DPP10: variants seen among roughly 807,000 people sequenced by gnomAD.
The protein encoded by DPP10 is dipeptidyl peptidase like 10.
A neutral mutation model predicts 120.9 loss-of-function variants in DPP10; 33 were observed. That is an observed-to-expected ratio of 0.27 (90% CI 0.21 to 0.37). The LOEUF is 0.37. Among genes scored for constraint, DPP10 ranks in the 10% least tolerant of loss-of-function variants. DPP10 has a pLI of 1.00. For synonymous variants in DPP10, 337 were observed against 326.1 expected (o/e 1.03, Z -0.36); for missense variants, 816 against 942.8 (o/e 0.87, Z 1.76).
At chr2:114,627,520 C>T (rs1454825512) in intron 1 of DPP10, among the ~76,000 whole-genome samples, 2 of 152,054 alleles carry the variant, frequency 1.3e-5, no homozygotes, top group African/African-American at 2.4e-5. Context: ...TGACCAGCCA[C>T]AGCACTGGAC....
chr2:115,032,538 C>T (rs979849398), intron 1 of DPP10, among the ~76,000 whole-genome samples: 1 of 152,008 alleles, frequency 6.6e-6, no homozygotes, highest in African/African-American at 2.4e-5. Flanking sequence ...CAAATTCCTT[C>T]ATAGAATATT....
At chr2:114,519,957 CT>C (rs1386573428) in intron 1 of DPP10, among the ~76,000 whole-genome samples, 1 of 149,156 alleles carries the variant, frequency 6.7e-6, no homozygotes, top group Admixed American at 6.8e-5. Flanking sequence ...ATACTCACAC[CT>C]TTAAATCTTC....
chr2:114,914,037 T>A (rs1450805560), intron 1 of DPP10, among the ~76,000 whole-genome samples: 1 of 152,134 alleles, frequency 6.6e-6, no homozygotes, highest in Admixed American at 6.5e-5. Context: ...AAAATAATTT[T>A]AAAAAATGAA....
At chr2:114,969,817 C>T (rs905410603) in intron 1 of DPP10, among the ~76,000 whole-genome samples, 7 of 152,160 alleles carry the variant, frequency 4.6e-5, no homozygotes, top group Non-Finnish European at 1.0e-4. Context: ...AAAGGATGCA[C>T]CTGGCTCCAA....
intron 5 of DPP10, among the ~76,000 whole-genome samples, chr2:115,632,170 C>T (rs1266699561): frequency 6.6e-6 from 1 of 152,090 alleles, no homozygotes; most frequent in East Asian, 1.9e-4. Context: ...ATGCAATGCC[C>T]TTCTTTGTCT....
chr2:114,521,421 A>G (rs899578802), intron 1 of DPP10, among the ~76,000 whole-genome samples: 7 of 152,300 alleles, frequency 4.6e-5, no homozygotes, highest in African/African-American at 1.7e-4. Context: ...CCATGAGCAT[A>G]GAAGGCTTGA....
At chr2:115,654,578 G>T (rs944239879) in intron 5 of DPP10, among the ~76,000 whole-genome samples, 2 of 151,842 alleles carry the variant, frequency 1.3e-5, no homozygotes, top group African/African-American at 2.4e-5. Flanking sequence ...ATTATTTAGG[G>T]ATTGGGGTGG....
chr2:115,569,632 A>C (rs1475646137), intron 5 of DPP10, among the ~76,000 whole-genome samples: 1 of 152,192 alleles, frequency 6.6e-6, no homozygotes, highest in Non-Finnish European at 1.5e-5. Context: ...AACTGAAATG[A>C]TCACTGGGGA....
intron 1 of DPP10, among the ~76,000 whole-genome samples, chr2:114,526,515 G>A (rs1391585496): frequency 6.6e-6 from 1 of 152,158 alleles, no homozygotes; most frequent in African/African-American, 2.4e-5. Context: ...TTTATGTGTT[G>A]CCCTAGGTCA....
chr2:114,801,430 G>A (rs930341990), intron 1 of DPP10, among the ~76,000 whole-genome samples: 5 of 152,116 alleles, frequency 3.3e-5, no homozygotes, highest in African/African-American at 1.2e-4. Context: ...CCTCTGGGGT[G>A]TAAAGGGGAA....
chr2:115,494,793 A>G (rs2076307492), intron 3 of DPP10, among the ~76,000 whole-genome samples: 1 of 152,140 alleles, frequency 6.6e-6, no homozygotes, highest in Non-Finnish European at 1.5e-5. Context: ...TTAAATGAAG[A>G]TTATGTTTGG....
chr2:115,712,540 TTAAATATATATA>T (rs1460738788), intron 7 of DPP10, among the ~76,000 whole-genome samples: 247 of 18,074 alleles, frequency 0.014, 35 homozygotes, highest in African/African-American at 0.027. Flanking sequence ...GAGTCCTGAA[TTAAATATATATA>T]TATATATATA....
At chr2:115,064,802 A>G (rs2105413967) in intron 1 of DPP10, 6 of 1,304,244 alleles carry the variant, frequency 4.6e-6, no homozygotes, top group Non-Finnish European at 6.1e-6. Flanking sequence ...ATGGTTCTGA[A>G]AAGGTAAGTG....
intron 3 of DPP10, among the ~76,000 whole-genome samples, chr2:115,346,455 T>C (rs898224301): frequency 1.3e-5 from 2 of 152,118 alleles, no homozygotes; most frequent in African/African-American, 4.8e-5. Flanking sequence ...GTGTAGGTTA[T>C]AGTGAGGCGA....
chr2:115,744,442 C>T (rs1167876523), intron 9 of DPP10, among the ~76,000 whole-genome samples: 1 of 150,366 alleles, frequency 6.7e-6, no homozygotes, highest in African/African-American at 2.4e-5. Context: ...AAAATGTTCC[C>T]GGGCACTGTT....
At chr2:114,733,251 T>G (rs138440224) in intron 1 of DPP10, among the ~76,000 whole-genome samples, 46 of 152,320 alleles carry the variant, frequency 3.0e-4, no homozygotes, top group African/African-American at 1.1e-3. Flanking sequence ...CCATCTCTTT[T>G]GCTTCACAGT....
chr2:115,804,152 A>G (rs560466472), intron 19 of DPP10, among the ~76,000 whole-genome samples: 13 of 151,760 alleles, frequency 8.6e-5, no homozygotes, highest in African/African-American at 2.7e-4. Context: ...TTTTCTCTAA[A>G]CTTCTCTTCA....
chr2:115,179,479 A>G (rs999738191), intron 1 of DPP10, among the ~76,000 whole-genome samples: 1 of 152,154 alleles, frequency 6.6e-6, no homozygotes, highest in African/African-American at 2.4e-5. Flanking sequence ...AATGAGAGGC[A>G]TTTCTTTAAA....
intron 3 of DPP10, among the ~76,000 whole-genome samples, chr2:115,475,466 T>G (rs573392528): frequency 9.8e-5 from 15 of 152,342 alleles, no homozygotes; most frequent in African/African-American, 3.6e-4. Flanking sequence ...AGAAGCCTGC[T>G]GCAGGGGCAG....
Sources: allele counts gnomAD v4.1 joint callset (sites outside exome capture counted in the v4.1 genomes callset), GRCh38; gene constraint gnomAD v4.1.1; transcripts MANE v1.5; gene names NCBI Gene and HGNC (gene_info 2026-07-23, HGNC 2026-07-21).